LCOR: variants seen among roughly 807,000 people sequenced by gnomAD.
LCOR encodes ligand-dependent corepressor.
In LCOR, 14 loss-of-function variants were observed where a neutral mutation model predicts 64.4. The ratio of observed to expected loss-of-function variants is 0.22; its 90% CI spans 0.14 to 0.34. LCOR has a LOEUF of 0.34. LCOR is among the 10% of genes least tolerant of loss of function. LCOR has a pLI of 1.00. For missense variants in LCOR, 1,686 were observed against 1,765.3 expected (o/e 0.96, Z 0.80); for synonymous variants, 643 against 642.5 (o/e 1.00, Z -0.01).
rs1202955880 is a variant in LCOR at position 96,920,635 on chromosome 10, CATATATGTGT to C, written c.-184+12907_-184+12916del. ...ATATGTGTATATATGTATGTACATT[CATATATGTGT>C]ATATATGTGTATATATGTATATATG... On this transcript the variant is annotated intron_variant, in intron 4 of 7. Transcript: ENST00000421806. Among the ~76,000 whole-genome samples, 214 of 132,840 alleles carry C rather than the reference CATATATGTGT, an allele frequency of 1.6e-3. 5 individuals carry two copies. Among genetic ancestry groups the C allele is most frequent in the East Asian group, 8.5e-4 (4 of 4,696 alleles). 87.1% of individuals were successfully genotyped at this position (132,840 alleles called of 152,430 possible).
chr10:96,846,158 G>A (rs1226293132), intron 2 of LCOR, among the ~76,000 whole-genome samples: 1 of 152,094 alleles, frequency 6.6e-6, no homozygotes, highest in East Asian at 1.9e-4. Context: ...AGTGAGCCGA[G>A]ATTGCACCAC....
At chr10:96,923,170 A>T (rs1472572794) in intron 4 of LCOR, among the ~76,000 whole-genome samples, 2 of 152,198 alleles carry the variant, frequency 1.3e-5, no homozygotes, top group African/African-American at 2.4e-5. Context: ...TAAATCAATG[A>T]GTTGCATCAT....
At chr10:96,929,426 G>A (rs780297449) in intron 4 of LCOR, among the ~76,000 whole-genome samples, 5 of 152,120 alleles carry the variant, frequency 3.3e-5, no homozygotes, top group Admixed American at 6.6e-5. Context: ...AGCCAACCTC[G>A]GCTAGCTTCC....
intron 2 of LCOR, among the ~76,000 whole-genome samples, chr10:96,859,568 C>CT (rs1435159463): frequency 1.3e-5 from 2 of 151,580 alleles, no homozygotes; most frequent in Admixed American, 1.3e-4. Context: ...TGTCTCTTTC[C>CT]TTTTTTTGAG....
intron 6 of LCOR, 72 bp from the exon 7 acceptor site, chr10:96,952,029 TCA>T: frequency 2.8e-6 from 3 of 1,056,298 alleles, no homozygotes; most frequent in Admixed American, 1.9e-5. Flanking sequence ...AACTGCTTTT[TCA>T]TTTTTAGCCT....
chr10:96,949,361 A>AT, intron 6 of LCOR, 66 bp downstream of exon 6: 2 of 1,401,762 alleles, frequency 1.4e-6, no homozygotes, highest in Non-Finnish European at 2.0e-6. Flanking sequence ...GAAAAAAAAA[A>AT]GCATTGGCAA....
chr10:96,984,030 A>G lies in LCOR; in HGVS notation c.3570A>G (p.Thr1190=). The G allele has an allele frequency of 3.1e-6, 5 of 1,614,054 alleles. No homozygotes were observed. Among genetic ancestry groups the G allele is most frequent in the Non-Finnish European group, 4.2e-6 (5 of 1,179,990 alleles). Residue 1190 remains threonine, a synonymous_variant, in exon 8 of 8, where the codon ACA becomes ACG. Transcript: ENST00000421806. ...LSNVCKWFLE[T]TETRSLVIVK... ...ATGTTTGTAAATGGTTCTTAGAGAC[A>G]ACTGAAACCCGGTCTCTAGTCATTG...
At chr10:96,941,093 G>A (rs1347521845) in intron 4 of LCOR, among the ~76,000 whole-genome samples, 10 of 119,212 alleles carry the variant, frequency 8.4e-5, no homozygotes, top group East Asian at 2.7e-4. Flanking sequence ...CGGACGGGGC[G>A]GCTGGCCGGG....
chr10:96,961,549 A>G (rs1847880761), intron 7 of LCOR: 1 of 152,150 alleles, frequency 6.6e-6, no homozygotes, highest in African/African-American at 2.4e-5. Context: ...GTCTTGGGAA[A>G]GAATTTATGA....
At chr10:96,909,740 A>G (rs1471415237) in intron 4 of LCOR, among the ~76,000 whole-genome samples, 2 of 152,130 alleles carry the variant, frequency 1.3e-5, no homozygotes, top group East Asian at 3.9e-4. Flanking sequence ...TCTATTTGGA[A>G]TGGTCTGTTT....
In LCOR at chr10:96,835,397, A is replaced by G. The variant is rs375223292; in HGVS notation, c.-330+1918A>G. 1.3e-4 allele frequency among the ~76,000 whole-genome samples: 20 copies of G among 152,344 alleles called. No individual in the cohort carries two copies. The South Asian group carries it at 4.1e-3, about 32-fold the overall frequency. On this transcript the variant is annotated intron_variant, in intron 2 of 7. Transcript: ENST00000421806. ...ATTATAGAGTCCAGAGTGCAGAGCA[A>G]TATTTTAATCTGAGCAGTAACATAT...
At position 96,995,228 on chromosome 10, in the gene LCOR, G is replaced by A. The variant is rs1848232873; in HGVS notation, c.*10094G>A. The A allele has an allele frequency of 6.6e-6, 1 of 152,278 alleles. No individual in the cohort carries two copies. The highest frequency in any genetic ancestry group is 2.4e-5 in the African/African-American group (1 of 41,462). The allele number at this position is 152,278 out of a possible 1,614,324, so 9.4% of individuals were successfully genotyped here. A position where few individuals can be genotyped will look rare whatever the true frequency, so the allele number is the denominator to read the frequency against. On this transcript the variant is annotated 3_prime_UTR_variant, in exon 8 of 8. Coordinates refer to ENST00000421806, the MANE Select transcript of LCOR (RefSeq NM_001346516.2). The surrounding 1 kb of genome is among the most constrained non-coding windows in gnomAD (Gnocchi z 4.2). ...TGTCATTGCTGAGGTCGATCTCGTAGTTGTTCAGTTGTGCTCTTTTTGCTG... is the reference window on the plus strand; with the variant it reads ...TGTCATTGCTGAGGTCGATCTCGTAATTGTTCAGTTGTGCTCTTTTTGCTG...
At chr10:96,942,356 T>G (rs1462884697) in intron 4 of LCOR, among the ~76,000 whole-genome samples, 1 of 151,754 alleles carries the variant, frequency 6.6e-6, no homozygotes, top group Admixed American at 6.6e-5. Context: ...GGCAGGAGAA[T>G]CAGGCAGGGA....
At chr10:96,846,927 A>G (rs1382769356) in intron 2 of LCOR, among the ~76,000 whole-genome samples, 2 of 152,114 alleles carry the variant, frequency 1.3e-5, no homozygotes, top group Non-Finnish European at 2.9e-5. Context: ...GTGAAAGGTA[A>G]AGGTATGTAA....
Position 96,948,426 on chromosome 10 carries a change from A to T in LCOR, c.-50-582A>T, listed in dbSNP as rs189772878. ...AACTACTGAATCAGAAACTCTGGGG[A>T]GAGAACCCAACAAGCTGTTTTTGCA... On this transcript the variant is annotated intron_variant, in intron 5 of 7. Coordinates refer to ENST00000421806, the MANE Select transcript of LCOR (RefSeq NM_001346516.2). Among the ~76,000 whole-genome samples, 53 of 152,326 alleles carry T rather than the reference A, an allele frequency of 3.5e-4. 1 individual carries two copies. The highest frequency in any genetic ancestry group is 9.8e-4 in the Admixed American group (15 of 15,298).
intron 1 of LCOR, among the ~76,000 whole-genome samples, 153 bp downstream of exon 1, chr10:96,832,552 T>C (rs1845356314): frequency 8.4e-6 from 1 of 119,234 alleles, no homozygotes; most frequent in Admixed American, 8.6e-5. Context: ...CCCCGGAGTG[T>C]GAGCGCGCGC....
intron 4 of LCOR, among the ~76,000 whole-genome samples, chr10:96,921,931 C>T (rs2134475444): frequency 6.6e-6 from 1 of 152,310 alleles, no homozygotes; most frequent in Middle Eastern, 3.4e-3. Flanking sequence ...ATGTGTCTGT[C>T]TGAATGTCTA....
intron 2 of LCOR, among the ~76,000 whole-genome samples, chr10:96,862,613 C>T (rs936539901): frequency 9.9e-5 from 15 of 152,144 alleles, no homozygotes; most frequent in African/African-American, 3.6e-4. Context: ...TCAACTTAAC[C>T]TTCAGCCCTT....
chr10:96,976,000 A>G (rs1848037232), intron 7 of LCOR, among the ~76,000 whole-genome samples: 1 of 152,144 alleles, frequency 6.6e-6, no homozygotes, highest in Admixed American at 6.5e-5. Flanking sequence ...AGGCAACAAC[A>G]GCGAAACACA....
Sources: allele counts gnomAD v4.1 joint callset (sites outside exome capture counted in the v4.1 genomes callset), GRCh38; gene constraint gnomAD v4.1.1; non-coding constraint Gnocchi (gnomAD v3.1); transcripts MANE v1.5; gene names NCBI Gene and HGNC (gene_info 2026-07-23, HGNC 2026-07-21).